LRRIQ3: variants seen among roughly 807,000 people sequenced by gnomAD.
The protein encoded by LRRIQ3 is leucine-rich repeat and IQ domain-containing protein 3.
Under a neutral mutation model 59.3 loss-of-function variants are expected in LRRIQ3, and 75 were observed. The ratio of observed to expected loss-of-function variants is 1.26; its 90% CI spans 1.05 to 1.53. The LOEUF (loss-of-function observed/expected upper bound fraction) is 1.53, where lower values mean the gene tolerates loss of function less well. Among genes scored for constraint, LRRIQ3 ranks in the 40% most tolerant of loss-of-function variants. The probability of loss-of-function intolerance (pLI) is 0.00; values close to 1 mark genes in which losing one functional copy is unlikely to be tolerated. For synonymous variants in LRRIQ3, 250 were observed against 231.3 expected, an observed-to-expected ratio of 1.08 and a Z score of -0.73; for missense variants, 831 against 710.0, an observed-to-expected ratio of 1.17 and a Z score of -1.94.
At chr1:74,043,748 G>T (rs879081319) in intron 6 of LRRIQ3, among the ~76,000 whole-genome samples, 1 of 152,034 alleles carries the variant, frequency 6.6e-6, no homozygotes, top group Admixed American at 6.6e-5. Flanking sequence ...TAACAACATT[G>T]TACCTTATAC....
intron 5 of LRRIQ3, among the ~76,000 whole-genome samples, chr1:74,088,395 C>T (rs1001575671): frequency 6.6e-6 from 1 of 151,960 alleles, no homozygotes; most frequent in Non-Finnish European, 1.5e-5. Flanking sequence ...ATTGAAGATT[C>T]TTAAGATTTT....
intron 7 of LRRIQ3, among the ~76,000 whole-genome samples, chr1:74,028,786 A>G (rs1653599586): frequency 6.6e-6 from 1 of 152,012 alleles, no homozygotes; most frequent in African/African-American, 2.4e-5. Context: ...AACACATTTA[A>G]AATCCTTAAA....
chr1:74,131,314 C>T (rs556745126), intron 4 of LRRIQ3, among the ~76,000 whole-genome samples: 2 of 152,248 alleles, frequency 1.3e-5, no homozygotes, highest in South Asian at 4.1e-4. Flanking sequence ...GAGCTGGTAC[C>T]ATTCCTTCTG....
intron 3 of LRRIQ3, among the ~76,000 whole-genome samples, chr1:74,173,770 T>C (rs1035245607): frequency 6.6e-6 from 1 of 152,134 alleles, no homozygotes; most frequent in Non-Finnish European, 1.5e-5. Context: ...TTCAAAAAAC[T>C]TCCTTCAGCA....
chr1:74,132,158 A>G (rs1280786919), intron 4 of LRRIQ3, among the ~76,000 whole-genome samples: 3 of 152,100 alleles, frequency 2.0e-5, no homozygotes, highest in Admixed American at 6.6e-5. Flanking sequence ...TAGGAATCCA[A>G]CTTACAAGGG....
intron 4 of LRRIQ3, among the ~76,000 whole-genome samples, chr1:74,110,741 T>A (rs577927068): frequency 4.1e-4 from 62 of 152,076 alleles, no homozygotes; most frequent in Non-Finnish European, 7.6e-4. Flanking sequence ...TACTCCTTCA[T>A]TCAAAATATT....
At chr1:74,128,293 A>AT (rs1289982291) in intron 4 of LRRIQ3, among the ~76,000 whole-genome samples, 3 of 151,678 alleles carry the variant, frequency 2.0e-5, no homozygotes, top group East Asian at 1.9e-4. Context: ...TTTTTATCTC[A>AT]TTTTTTTGTC....
chr1:74,189,207 T>C (rs1479401933), intron 1 of LRRIQ3, among the ~76,000 whole-genome samples: 1 of 152,126 alleles, frequency 6.6e-6, no homozygotes, highest in East Asian at 1.9e-4. Context: ...CATGTGTGTC[T>C]GAAATAGGGT....
chr1:74,156,740 CAGCAAATTATCTTGGAAA>C (rs1648351421), intron 3 of LRRIQ3, among the ~76,000 whole-genome samples: 1 of 152,086 alleles, frequency 6.6e-6, no homozygotes, highest in African/African-American at 2.4e-5. Flanking sequence ...TATTGGAACA[CAGCAAATTATCTTGGAAA>C]AGATCCTGTA....
intron 4 of LRRIQ3, among the ~76,000 whole-genome samples, chr1:74,154,460 A>C (rs1208838930): frequency 1.3e-5 from 2 of 152,018 alleles, no homozygotes; most frequent in Admixed American, 6.6e-5. Context: ...GAGAAAATAC[A>C]AATCATCTTG....
At chr1:74,196,885 TCTC>T (rs1238658166) in intron 1 of LRRIQ3, among the ~76,000 whole-genome samples, 1 of 152,074 alleles carries the variant, frequency 6.6e-6, no homozygotes, top group African/African-American at 2.4e-5. Context: ...TATAATCTAT[TCTC>T]CTATCTCCGA....
intron 6 of LRRIQ3, among the ~76,000 whole-genome samples, chr1:74,062,714 C>T (rs1377940921): frequency 6.6e-6 from 1 of 152,058 alleles, no homozygotes; most frequent in Non-Finnish European, 1.5e-5. Context: ...AGGCCATTAT[C>T]CTCAGCAAAT....
At chr1:74,132,875 A>G (rs2100615325) in intron 4 of LRRIQ3, among the ~76,000 whole-genome samples, 1 of 152,308 alleles carries the variant, frequency 6.6e-6, no homozygotes, top group Admixed American at 6.5e-5. Context: ...GGATCTAATT[A>G]AACTAAAGAA....
chr1:74,193,393 T>C (rs977614775), intron 1 of LRRIQ3, among the ~76,000 whole-genome samples: 2 of 152,092 alleles, frequency 1.3e-5, no homozygotes, highest in Non-Finnish European at 2.9e-5. Context: ...TTAAAAATTA[T>C]CCTACATTTT....
At chr1:74,067,801 T>C (rs1654910485) in intron 6 of LRRIQ3, among the ~76,000 whole-genome samples, 1 of 152,158 alleles carries the variant, frequency 6.6e-6, no homozygotes, top group South Asian at 2.1e-4. Context: ...GTTTGCGCCC[T>C]TGTCTAAAAG....
chr1:74,051,622 C>G (rs1181175803), intron 6 of LRRIQ3, among the ~76,000 whole-genome samples: 2 of 152,056 alleles, frequency 1.3e-5, no homozygotes, highest in African/African-American at 2.4e-5. Context: ...AACAGAAACC[C>G]CATACGCATT....
intron 4 of LRRIQ3, among the ~76,000 whole-genome samples, chr1:74,118,701 T>TAG (rs1557624110): frequency 1.3e-5 from 2 of 151,900 alleles, no homozygotes; most frequent in East Asian, 1.9e-4. Flanking sequence ...GATATATATA[T>TAG]AGAGAGAGAG....
At chr1:74,155,614 C>G in intron 4 of LRRIQ3, 119 bp downstream of exon 4, 1 of 816,750 alleles carries the variant, frequency 1.2e-6, no homozygotes, top group East Asian at 3.1e-5. Context: ...GTTAAACAGA[C>G]TATACCATTT....
In LRRIQ3 at chr1:74,198,072, G is replaced by A; in HGVS notation, c.-77C>T. The stretch of plus-strand genomic sequence containing the variant: ...CCAACACAGTCAGACAAATCGCTGG[G>A]CGGCCATCTGCTCCTGAGACCGTTG... On this transcript the variant is annotated 5_prime_UTR_variant, in exon 1 of 8. Coordinates refer to ENST00000354431, the MANE Select transcript of LRRIQ3 (RefSeq NM_001105659.2). 3.8e-6 allele frequency: 4 copies of A among 1,064,264 alleles called. No individual in the cohort carries two copies. Among genetic ancestry groups the A allele is most frequent in the Non-Finnish European group, 5.2e-6 (4 of 768,398 alleles). 65.9% of individuals were successfully genotyped at this position (1,064,264 alleles called of 1,614,324 possible).
Sources: gnomAD v4.1 joint callset for allele counts (sites outside exome capture counted in the v4.1 genomes callset) on GRCh38, gnomAD v4.1.1 for gene constraint, MANE v1.5 for transcripts, NCBI Gene and HGNC (gene_info 2026-07-23, HGNC 2026-07-21) for gene names.